The following KPNA4 variants were observed in gnomAD, a reference collection of about 807,000 sequenced individuals.
KPNA4 encodes the protein importin subunit alpha-3.
In KPNA4, 13 loss-of-function variants were observed where a neutral mutation model predicts 71.3. That is an observed-to-expected ratio of 0.18 (90% CI 0.12 to 0.29). The LOEUF (loss-of-function observed/expected upper bound fraction) is 0.29. Among genes scored for constraint, KPNA4 ranks in the 10% least tolerant of loss-of-function variants. KPNA4 has a pLI of 1.00. For missense variants in KPNA4, 334 were observed against 603.2 expected, an observed-to-expected ratio of 0.55 and a Z score of 4.67; for synonymous variants, 189 against 195.2, an observed-to-expected ratio of 0.97 and a Z score of 0.26.
In KPNA4 at chr3:160,502,003, C is replaced by T; in HGVS notation, c.*101G>A. 3.0e-6 allele frequency: 1 copy of T among 338,786 alleles called. No homozygotes were observed. 21.0% of individuals were successfully genotyped at this position (338,786 alleles called of 1,614,324 possible). On this transcript the variant is annotated 3_prime_UTR_variant, in exon 17 of 17. Coordinates refer to ENST00000334256, the MANE Select transcript of KPNA4 (RefSeq NM_002268.5). The stretch of plus-strand genomic sequence containing the variant: ...ATCCCATGAGCCAAGCTTGATGGAT[C>T]AAACCTTTTTATATATATGTATATA...
chr3:160,514,527 A>C (rs1721163501), intron 12 of KPNA4, among the ~76,000 whole-genome samples: 1 of 152,222 alleles, frequency 6.6e-6, no homozygotes, highest in African/African-American at 2.4e-5. Context: ...ACAAATACAA[A>C]TCCTAAAACA....
chr3:160,501,067 T>C lies in KPNA4; in HGVS notation c.*1037A>G, dbSNP rs1720867909. On this transcript the variant is annotated 3_prime_UTR_variant, in exon 17 of 17. Coordinates refer to ENST00000334256, the MANE Select transcript of KPNA4 (RefSeq NM_002268.5). ...CACATTTTACTGTTTTATACTATTA[T>C]GGCAACTTGTGTACTGCAACACAGT... is the stretch of plus-strand genomic sequence containing the variant. 1 of 152,502 alleles carries C rather than the reference T, an allele frequency of 6.6e-6. No homozygotes were observed. Among genetic ancestry groups the C allele is most frequent in the Non-Finnish European group, 1.5e-5 (1 of 68,012 alleles). 9.4% of individuals were successfully genotyped at this position (152,502 alleles called of 1,614,324 possible).
At chr3:160,541,561 A>T (rs528075224) in intron 1 of KPNA4, among the ~76,000 whole-genome samples, 37 of 152,254 alleles carry the variant, frequency 2.4e-4, no homozygotes, top group African/African-American at 8.2e-4. Context: ...CATAACTATG[A>T]AAATTTACTA....
At chr3:160,562,701 G>C (rs1722270851) in intron 1 of KPNA4, among the ~76,000 whole-genome samples, 1 of 152,234 alleles carries the variant, frequency 6.6e-6, no homozygotes, top group East Asian at 1.9e-4. Flanking sequence ...TATTTCCTTA[G>C]GTGGAAGTGA....
chr3:160,510,018 TC>T, intron 13 of KPNA4, 147 bp from the exon 14 acceptor site: 1 of 614,666 alleles, frequency 1.6e-6, no homozygotes, highest in Non-Finnish European at 2.9e-6. Context: ...TTAAGACAGG[TC>T]TTTGAACTAT....
Position 160,530,797 on chromosome 3 carries a change from T to C in KPNA4, c.469+58A>G, listed in dbSNP as rs1360251891. Reference sequence around the variant, plus strand: ...CCATAGTCTTTTGGGAAGATCACTATTTTTTACCGACTTCTTTTAAAAAAA... The same window carrying C: ...CCATAGTCTTTTGGGAAGATCACTACTTTTTACCGACTTCTTTTAAAAAAA... On this transcript the variant is annotated intron_variant, in intron 7 of 16. Coordinates refer to ENST00000334256, the MANE Select transcript of KPNA4 (RefSeq NM_002268.5). 3 of 1,218,414 alleles carry C rather than the reference T, an allele frequency of 2.5e-6. No homozygotes were observed. In the African/African-American group the frequency reaches 4.5e-5, roughly 18 times the overall value. The allele number at this position is 1,218,414 out of a possible 1,614,324, so 75.5% of individuals were successfully genotyped here.
rs559807610 is a variant in KPNA4 at position 160,527,808 on chromosome 3, T to TA, written c.556+144dup. ...TTACTATGACTTTATGCTTTTACAG[T>TA]AATACAGTTCAAATTTCTGTAAGCT... On this transcript the variant is annotated intron_variant, in intron 8 of 16. Coordinates refer to ENST00000334256, the MANE Select transcript of KPNA4 (RefSeq NM_002268.5). 110 of 531,162 alleles carry TA rather than the reference T, an allele frequency of 2.1e-4. No homozygotes were observed. The South Asian group carries it at 2.9e-3, about 14-fold the overall frequency. 32.9% of individuals were successfully genotyped at this position (531,162 alleles called of 1,614,324 possible).
In KPNA4 at chr3:160,502,193, C is replaced by A; in HGVS notation, c.1477G>T (p.Asp493Tyr). ...QFFSSDDIDE[D>Y]PSLVPEAIQG... ...ATTGCCTCTGGAACAAGGCTAGGGT[C>A]TTCATCAATCTAGGTGAAAAAAAAG... The change falls in exon 17 of 17, where the codon GAC (aspartate) becomes TAC (tyrosine). Residue 493 changes from aspartate (D) to tyrosine (Y), a missense_variant. By Grantham distance (160) the Asp-to-Tyr change is radical. Transcript: ENST00000334256. 6.4e-7 allele frequency: 1 copy of A among 1,556,134 alleles called. No homozygotes were observed.
At chr3:160,533,510 T>C (rs957455823) in intron 5 of KPNA4, among the ~76,000 whole-genome samples, 31 of 151,866 alleles carry the variant, frequency 2.0e-4, no homozygotes, top group African/African-American at 7.5e-4. Context: ...CAAGGTTTCA[T>C]GAGATCAAGG....
Position 160,514,041 on chromosome 3 carries a change from A to G in KPNA4, c.1137+36T>C, listed in dbSNP as rs77773681. On this transcript the variant is annotated intron_variant, in intron 13 of 16. Coordinates refer to ENST00000334256, the MANE Select transcript of KPNA4 (RefSeq NM_002268.5). ...CAGATTTAAATCCCCTTCCCCTTACATCAGATAAATGATACATATAACATG... is the reference window on the plus strand; with the variant it reads ...CAGATTTAAATCCCCTTCCCCTTACGTCAGATAAATGATACATATAACATG... 3.9e-3 allele frequency: 4,912 copies of G among 1,250,956 alleles called. 131 individuals carry two copies. The African/African-American group carries it at 0.062, about 16-fold the overall frequency. The allele number at this position is 1,250,956 out of a possible 1,614,324, so 77.5% of individuals were successfully genotyped here.
At chr3:160,564,797 C>A (rs1333810516) in intron 1 of KPNA4, among the ~76,000 whole-genome samples, 1 of 151,890 alleles carries the variant, frequency 6.6e-6, no homozygotes, top group Non-Finnish European at 1.5e-5. Context: ...CGCCCTCCTT[C>A]CCGCGGCGCC....
At chr3:160,509,518 G>A (rs1476648647) in intron 14 of KPNA4, among the ~76,000 whole-genome samples, 1 of 152,096 alleles carries the variant, frequency 6.6e-6, no homozygotes, top group Middle Eastern at 3.2e-3. Context: ...TATGACGAAA[G>A]GAAGTCAAGG....
Position 160,525,844 on chromosome 3 carries a change from T to A in KPNA4, c.727A>T (p.Ile243Phe). ...ATTAAAACACAAAGGGCTGGAAGAA[T>A]CTGAGGAGAGAAATATGTAGATTTA... ...PPPPMETIQE[I>F]LPALCVLIHH... is the part of the protein sequence containing the mutation. The change falls in exon 10 of 17, where the codon ATT becomes TTT. Residue 243 changes from isoleucine to phenylalanine, a missense_variant and splice_region_variant. Ile to Phe is a conservative substitution (Grantham distance 21). Coordinates refer to ENST00000334256, the MANE Select transcript of KPNA4 (RefSeq NM_002268.5). 1 of 1,566,290 alleles carries A rather than the reference T, an allele frequency of 6.4e-7. No individual in the cohort carries two copies.
At position 160,497,046 on chromosome 3, in the gene KPNA4, C is replaced by A. The variant is rs1560041149; in HGVS notation, c.*5058G>T. 1 of 152,202 alleles carries A rather than the reference C, an allele frequency of 6.6e-6. No individual in the cohort carries two copies. The highest frequency in any genetic ancestry group is 1.5e-5 in the Non-Finnish European group (1 of 68,040). 9.4% of individuals were successfully genotyped at this position (152,202 alleles called of 1,614,324 possible). A position where few individuals can be genotyped will look rare whatever the true frequency, so the allele number is the denominator to read the frequency against. ...TGCTTAGTTTTTTATCAATTTGACA[C>A]TACAGTCCAAATTTGCTTCTGATCA... On this transcript the variant is annotated 3_prime_UTR_variant, in exon 17 of 17. Transcript: ENST00000334256.
chr3:160,538,948 C>T (rs1393383450), intron 1 of KPNA4, among the ~76,000 whole-genome samples: 3 of 152,110 alleles, frequency 2.0e-5, no homozygotes, highest in Non-Finnish European at 4.4e-5. Flanking sequence ...GTAAAAACAC[C>T]CTCTTTACAG....
rs750701279 is a variant in KPNA4 at position 160,521,800 on chromosome 3, G to C, written c.882C>G (p.Ser294Arg). The C allele has an allele frequency of 2.5e-6, 4 of 1,611,560 alleles. No individual in the cohort carries two copies. The highest frequency in any genetic ancestry group is 3.4e-6 in the Non-Finnish European group (4 of 1,179,796). Residue 294 changes from serine (S) to arginine (R), a missense_variant, in exon 11 of 17, where the codon AGC (serine) becomes AGG (arginine). Transcript: ENST00000334256. ...GIVPHLVPLL[S>R]HQEVKVQTAA... ...TTACCTGAACTTTAACTTCCTGGTG[G>C]CTGAGCAGAGGAACCAAATGAGGAA...
At chr3:160,552,288 C>T (rs983238241) in intron 1 of KPNA4, among the ~76,000 whole-genome samples, 2 of 152,160 alleles carry the variant, frequency 1.3e-5, no homozygotes, top group Non-Finnish European at 2.9e-5. Context: ...AAAATTCTGA[C>T]TTCATCACTA....
At position 160,536,729 on chromosome 3, in the gene KPNA4, T is replaced by C. The variant is rs1721701751; in HGVS notation, c.114+67A>G. On this transcript the variant is annotated intron_variant, in intron 2 of 16. Coordinates refer to ENST00000334256, the MANE Select transcript of KPNA4 (RefSeq NM_002268.5). ...CTAAAAACATAATATATATTTGGCA[T>C]CTTGTATATAATGCTATAATGTTGT... 1.5e-5 allele frequency: 12 copies of C among 793,822 alleles called. No individual in the cohort carries two copies. The Admixed American group carries it at 3.1e-4, about 21-fold the overall frequency. The allele number at this position is 793,822 out of a possible 1,614,324, so 49.2% of individuals were successfully genotyped here.
intron 7 of KPNA4, 121 bp from the exon 8 acceptor site, chr3:160,528,160 A>G (rs1551190): frequency 0.52 from 297,813 of 573,590 alleles, 79,950 homozygotes; most frequent in African/African-American, 0.57. Flanking sequence ...TTAAAATATA[A>G]CCTCATTAAA....
Sources: gnomAD v4.1 joint callset for allele counts (sites outside exome capture counted in the v4.1 genomes callset) on GRCh38, gnomAD v4.1.1 for gene constraint, MANE v1.5 for transcripts, NCBI Gene and HGNC (gene_info 2026-07-23, HGNC 2026-07-21) for gene names.